The following NBPF15 variants were observed in gnomAD, a reference collection of about 807,000 sequenced individuals.
NBPF15 encodes NBPF member 15.
Under a neutral mutation model 62.2 loss-of-function variants are expected in NBPF15, and 74 were observed. The ratio of observed to expected loss-of-function variants is 1.19; its 90% CI spans 0.99 to 1.44. NBPF15 has a LOEUF of 1.44. Among genes scored for constraint, NBPF15 ranks in the 40% most tolerant of loss-of-function variants. The pLI, the probability that NBPF15 is intolerant of heterozygous loss-of-function variation, is 0.00. For missense variants in NBPF15, 790 were observed against 550.0 expected (o/e 1.44, Z -4.36); for synonymous variants, 244 against 209.7 (o/e 1.16, Z -1.41).
chr1:144,443,162 C>A (rs1421397873), intron 6 of NBPF15, among the ~76,000 whole-genome samples: 2 of 151,764 alleles, frequency 1.3e-5, no homozygotes, highest in Admixed American at 6.6e-5. Context: ...GGACAGACAC[C>A]TTCCCCCACC....
chr1:144,425,562 T>A lies in NBPF15; in HGVS notation c.1445A>T (p.Lys482Ile). ...GTCTTCTTCCTCTTCTTGGTCCTTT[T>A]TAATTCCTGCAATACATTCAGACAG... is the stretch of plus-strand genomic sequence containing the variant. The part of the protein sequence containing the change: ...LGLALDVDRI[K>I]KDQEEEEDQG... The change falls in exon 19 of 22, where the codon AAA becomes ATA. Residue 482 changes from lysine (K) to isoleucine (I), a missense_variant. Lys to Ile is a moderately radical substitution (Grantham distance 102, BLOSUM62 -3). Transcript: ENST00000581897. 1.7e-6 allele frequency: 1 copy of A among 573,632 alleles called. No homozygotes were observed. The highest frequency in any genetic ancestry group is 1.7e-5 in the South Asian group (1 of 59,050). 35.5% of individuals were successfully genotyped at this position (573,632 alleles called of 1,614,324 possible).
intron 3 of NBPF15, among the ~76,000 whole-genome samples, chr1:144,457,991 G>A (rs1331948040): frequency 6.6e-6 from 1 of 151,740 alleles, no homozygotes; most frequent in Admixed American, 6.6e-5. Flanking sequence ...GGAAGCTGAG[G>A]TGGGCAGACT....
intron 4 of NBPF15, 33 bp from the exon 5 acceptor site, chr1:144,450,903 G>C: frequency 3.3e-6 from 1 of 304,636 alleles, no homozygotes. Context: ...GTGAAGGGAT[G>C]GGTTGCCCCT....
intron 3 of NBPF15, among the ~76,000 whole-genome samples, chr1:144,457,991 GT>G (rs1413899293): frequency 1.3e-5 from 2 of 151,740 alleles, no homozygotes; most frequent in African/African-American, 4.8e-5. Flanking sequence ...GGAAGCTGAG[GT>G]GGGCAGACTG....
At chr1:144,438,683 A>G (rs1328514018) in intron 8 of NBPF15, among the ~76,000 whole-genome samples, 141 of 152,116 alleles carry the variant, frequency 9.3e-4, no homozygotes, top group African/African-American at 3.3e-3. Context: ...GTGTGCCAAT[A>G]AATGTTCTAG....
At chr1:144,444,145 G>A (rs373636893) in intron 6 of NBPF15, among the ~76,000 whole-genome samples, 2 of 151,072 alleles carry the variant, frequency 1.3e-5, no homozygotes, top group Admixed American at 6.6e-5. Flanking sequence ...CTATCATTCC[G>A]CGTTTGGGCT....
At chr1:144,433,017 A>G (rs1675633078) in intron 13 of NBPF15, among the ~76,000 whole-genome samples, 1 of 151,946 alleles carries the variant, frequency 6.6e-6, no homozygotes, top group Non-Finnish European at 1.5e-5. Context: ...TCTCAGCACC[A>G]CATCACACTT....
At position 144,440,231 on chromosome 1, in the gene NBPF15, C is replaced by T. The variant is rs1362122984; in HGVS notation, c.-126G>A. 22 of 1,522,584 alleles carry T rather than the reference C, an allele frequency of 1.4e-5. No individual in the cohort carries two copies. The highest frequency in any genetic ancestry group is 2.0e-5 in the Admixed American group (1 of 50,800). 94.3% of individuals were successfully genotyped at this position (1,522,584 alleles called of 1,614,324 possible). Reference sequence around the variant, plus strand: ...AGGTGCCTCAACTCAGAGCTGAAAGCACTGTCAGTAGCGCAGACTCTGATA... The same window carrying T: ...AGGTGCCTCAACTCAGAGCTGAAAGTACTGTCAGTAGCGCAGACTCTGATA... On this transcript the variant is annotated 5_prime_UTR_variant, in exon 7 of 22. Coordinates refer to ENST00000581897, the MANE Select transcript of NBPF15 (RefSeq NM_001385408.1).
chr1:144,436,666 T>C (rs1553541296), intron 10 of NBPF15, among the ~76,000 whole-genome samples: 1 of 151,930 alleles, frequency 6.6e-6, no homozygotes, highest in African/African-American at 2.4e-5. Context: ...TGCCTCATAC[T>C]CCAAAGACCA....
Position 144,439,930 on chromosome 1 carries a change from C to A in NBPF15, c.74G>T (p.Arg25Leu), listed in dbSNP as rs1218260682. ...CTGTTTCTTCTCTGCCAACTGGGGG[C>A]GCAATTTCTCATTGATTTCTAGAAT... Reference protein sequence around the residue: ...MNILEINEKLRPQLAEKKQQF... With the variant: ...MNILEINEKLLPQLAEKKQQF... The change falls in exon 8 of 22, where the codon CGC becomes CTC. Residue 25 changes from arginine (R) to leucine (L), a missense_variant. Transcript: ENST00000581897. The A allele has an allele frequency of 6.2e-6, 10 of 1,610,938 alleles. 1 individual carries two copies. Among genetic ancestry groups the A allele is most frequent in the East Asian group, 4.5e-5 (2 of 44,846 alleles).
At chr1:144,429,892 AG>A in intron 13 of NBPF15, 29 bp from the exon 14 acceptor site, 1 of 506,836 alleles carries the variant, frequency 2.0e-6, no homozygotes, top group African/African-American at 3.2e-5. Flanking sequence ...CAGGGATGAT[AG>A]AAGATTTAAC....
At chr1:144,442,391 A>AAT (rs1553542992) in intron 6 of NBPF15, among the ~76,000 whole-genome samples, 2 of 140,446 alleles carry the variant, frequency 1.4e-5, no homozygotes, top group African/African-American at 5.2e-5. Flanking sequence ...TATATTATAC[A>AAT]ATATATATAA....
chr1:144,454,995 T>G (rs1168326071), intron 4 of NBPF15, among the ~76,000 whole-genome samples: 1 of 147,302 alleles, frequency 6.8e-6, no homozygotes, highest in African/African-American at 2.5e-5. Context: ...TTTTAAAAAG[T>G]AGAACAAAAA....
chr1:144,456,979 C>G (rs1400464892), intron 3 of NBPF15, among the ~76,000 whole-genome samples, 174 bp from the exon 4 acceptor site: 1 of 150,152 alleles, frequency 6.7e-6, no homozygotes, highest in Non-Finnish European at 1.5e-5. Flanking sequence ...CAGTCCTCAC[C>G]AGCCTCGGCA....
chr1:144,424,023 C>A (rs782699504), intron 20 of NBPF15, 48 bp from the exon 21 acceptor site: 8 of 761,458 alleles, frequency 1.1e-5, no homozygotes, highest in South Asian at 5.4e-5. Context: ...GATTCCCCTA[C>A]ACATATAACA....
rs1225885613 is a variant in NBPF15 at position 144,440,274 on chromosome 1, G to A, written c.-169C>T. ...CTCTGATAAGAGTGAGGTAGATTGT[G>A]GCCAGCGTGCCAGGTAACCGTCTGC... is the stretch of plus-strand genomic sequence containing the variant. On this transcript the variant is annotated 5_prime_UTR_variant, in exon 7 of 22. Coordinates refer to ENST00000581897, the MANE Select transcript of NBPF15 (RefSeq NM_001385408.1). 499 of 1,497,304 alleles carry A rather than the reference G, an allele frequency of 3.3e-4. 6 individuals carry two copies. Among genetic ancestry groups the A allele is most frequent in the Non-Finnish European group, 4.0e-4 (443 of 1,118,426 alleles). 92.8% of individuals were successfully genotyped at this position (1,497,304 alleles called of 1,614,324 possible). A position where few individuals can be genotyped will look rare whatever the true frequency, so the allele number is the denominator to read the frequency against.
At chr1:144,437,916 C>A (rs1343525981) in intron 9 of NBPF15, 29 bp downstream of exon 9, 2 of 1,611,142 alleles carry the variant, frequency 1.2e-6, no homozygotes, top group Admixed American at 3.3e-5. Context: ...ACACCTGCCC[C>A]CCTGCCTGCC....
intron 4 of NBPF15, among the ~76,000 whole-genome samples, chr1:144,455,586 C>G (rs1158537214): frequency 2.6e-5 from 4 of 152,006 alleles, no homozygotes; most frequent in Non-Finnish European, 4.4e-5. Flanking sequence ...GCAACCTTCC[C>G]TGCTGCTCCT....
chr1:144,426,511 G>T, intron 17 of NBPF15, 61 bp from the exon 18 acceptor site: 2 of 781,252 alleles, frequency 2.6e-6, no homozygotes, highest in South Asian at 2.7e-5. Context: ...CACAGCCCCA[G>T]CTAGATTTCA....
Sources: allele counts gnomAD v4.1 joint callset (sites outside exome capture counted in the v4.1 genomes callset), GRCh38; gene constraint gnomAD v4.1.1; transcripts MANE v1.5; gene names NCBI Gene and HGNC (gene_info 2026-07-23, HGNC 2026-07-21).